Variants in MYCBP2 observed in about 807,000 individuals in gnomAD.
MYCBP2 encodes E3 ubiquitin-protein ligase MYCBP2.
Under a neutral mutation model 525.3 loss-of-function variants are expected in MYCBP2, and 120 were observed. The observed-to-expected ratio is 0.23, with a 90% CI of 0.20 to 0.27. The LOEUF (loss-of-function observed/expected upper bound fraction) is 0.27, where lower values mean the gene tolerates loss of function less well. Among genes scored for constraint, MYCBP2 ranks in the 10% least tolerant of loss-of-function variants. The pLI is 1.00. For synonymous variants in MYCBP2, 1,894 were observed against 1,955.8 expected (o/e 0.97, Z 0.83); for missense variants, 4,149 against 5,657.1 (o/e 0.73, Z 8.55).
At chr13:77,183,012 G>A (rs1050921333) in intron 32 of MYCBP2, among the ~76,000 whole-genome samples, 1 of 152,070 alleles carries the variant, frequency 6.6e-6, no homozygotes, top group African/African-American at 2.4e-5. Context: ...GTAGCTATAT[G>A]GAGGAAATCA....
intron 72 of MYCBP2, among the ~76,000 whole-genome samples, chr13:77,065,448 T>C (rs566115888): frequency 2.6e-4 from 40 of 152,286 alleles, no homozygotes; most frequent in Admixed American, 5.9e-4. Context: ...ATCTTGTCCT[T>C]CTCAGGCTGC....
Position 77,278,839 on chromosome 13 carries a change from G to T in MYCBP2, c.667C>A (p.Leu223Ile). The change falls in exon 4 of 83, where the codon CTC (leucine) becomes ATC (isoleucine). Residue 223 changes from leucine (L) to isoleucine (I), a missense_variant. Coordinates refer to ENST00000544440, the MANE Select transcript of MYCBP2 (RefSeq NM_015057.5). ...ETRFSHPSLC[L>I]RSLQALLNVL... Reference sequence around the variant, plus strand: ...TTGAGCAGGGCTTGGAGACTCCTGAGACACAGGGATGGATGAGAAAATCGT... The same window carrying T: ...TTGAGCAGGGCTTGGAGACTCCTGATACACAGGGATGGATGAGAAAATCGT... 1 of 1,602,072 alleles carries T rather than the reference G, an allele frequency of 6.2e-7. No homozygotes were observed. Among genetic ancestry groups the T allele is most frequent in the South Asian group, 1.1e-5 (1 of 89,170 alleles).
chr13:77,177,103 T>C (rs1278113881), intron 35 of MYCBP2, among the ~76,000 whole-genome samples: 1 of 151,196 alleles, frequency 6.6e-6, no homozygotes, highest in Non-Finnish European at 1.5e-5. Context: ...TAGTACTCTA[T>C]GACATAGTCC....
At chr13:77,218,565 C>T (rs1207839016) in intron 20 of MYCBP2, among the ~76,000 whole-genome samples, 3 of 152,136 alleles carry the variant, frequency 2.0e-5, no homozygotes, top group Admixed American at 1.3e-4. Context: ...GTTTTTCATT[C>T]TTTTTGTATT....
chr13:77,294,149 T>TATATATACATATAC (rs2077918119), intron 2 of MYCBP2, among the ~76,000 whole-genome samples: 1 of 136,318 alleles, frequency 7.3e-6, no homozygotes, highest in African/African-American at 2.6e-5. Context: ...TATACATATA[T>TATATATACATATAC]ATAAAATATA....
intron 3 of MYCBP2, among the ~76,000 whole-genome samples, chr13:77,282,276 G>C (rs2076272071): frequency 6.6e-6 from 1 of 152,094 alleles, no homozygotes. Context: ...CAGGCATGGT[G>C]GCGCATGCCT....
intron 52 of MYCBP2, chr13:77,129,388 C>G (rs1273095897): frequency 2.6e-6 from 1 of 379,730 alleles, no homozygotes; most frequent in African/African-American, 2.1e-5. Flanking sequence ...TCTGAGTAAA[C>G]AACACACCGA....
chr13:77,063,280 G>A (rs1312045151), intron 73 of MYCBP2, among the ~76,000 whole-genome samples: 3 of 152,190 alleles, frequency 2.0e-5, no homozygotes, highest in East Asian at 1.9e-4. Flanking sequence ...AAATAGGGCC[G>A]GGCACAGTGG....
intron 44 of MYCBP2, among the ~76,000 whole-genome samples, 174 bp downstream of exon 44, chr13:77,161,732 T>C (rs1316920795): frequency 6.6e-6 from 1 of 152,198 alleles, no homozygotes; most frequent in African/African-American, 2.4e-5. Flanking sequence ...AGGGCTCACA[T>C]GGGTTTCTCC....
intron 1 of MYCBP2, among the ~76,000 whole-genome samples, chr13:77,309,929 T>C (rs983567317): frequency 2.0e-5 from 3 of 152,068 alleles, no homozygotes; most frequent in African/African-American, 7.2e-5. Flanking sequence ...CTGGCCAAGA[T>C]GGTGAAATCC....
Position 77,096,443 on chromosome 13 carries a change from T to C in MYCBP2, c.9823A>G (p.Ile3275Val). ...RYAGGQGYNS[I>V]GHFCGGWAGN... is the part of the protein sequence containing the mutation. ...GCCCATCCTCCACAAAAATGCCCAA[T>C]GCTATTGTAACCTTGTCCACCAGCA... is the stretch of plus-strand genomic sequence containing the variant. Residue 3275 changes from isoleucine (I) to valine (V), a missense_variant, in exon 57 of 83, where the codon ATT becomes GTT. Transcript: ENST00000544440. The C allele has an allele frequency of 1.2e-6, 2 of 1,613,350 alleles. No individual in the cohort carries two copies. Among genetic ancestry groups the C allele is most frequent in the Non-Finnish European group, 1.7e-6 (2 of 1,179,556 alleles).
intron 55 of MYCBP2, among the ~76,000 whole-genome samples, chr13:77,106,543 A>AT (rs1566549935): frequency 2.0e-5 from 3 of 152,078 alleles, no homozygotes; most frequent in Non-Finnish European, 4.4e-5. Flanking sequence ...GATAAAAAAA[A>AT]TTTTTTTCAA....
intron 43 of MYCBP2, 71 bp from the exon 44 acceptor site, chr13:77,162,026 C>T (rs761857407): frequency 1.3e-5 from 13 of 998,854 alleles, no homozygotes; most frequent in South Asian, 2.9e-5. Context: ...TAGTCCTTTG[C>T]ATTCATTACA....
intron 1 of MYCBP2, among the ~76,000 whole-genome samples, chr13:77,317,805 T>C (rs533149339): frequency 6.6e-6 from 1 of 152,060 alleles, no homozygotes; most frequent in South Asian, 2.1e-4. Flanking sequence ...GGCGTGGTGA[T>C]GTGCACCTGT....
Position 77,077,184 on chromosome 13 carries a change from A to C in MYCBP2, c.11688T>G (p.Ala3896=). 6.2e-7 allele frequency: 1 copy of C among 1,613,998 alleles called. No homozygotes were observed. The highest frequency in any genetic ancestry group is 8.5e-7 in the Non-Finnish European group (1 of 1,179,954). The change falls in exon 67 of 83, where the codon GCT becomes GCG. Residue 3896 remains alanine, a synonymous_variant. Transcript: ENST00000544440. ...ASVAQQRNCE[A]ETLRVFRLIT... Reference sequence around the variant, plus strand: ...TCAGTCTGAATACTCGCAGAGTCTCAGCTTCACAGTTCCTCTGCTGGGCCA... The same window carrying C: ...TCAGTCTGAATACTCGCAGAGTCTCCGCTTCACAGTTCCTCTGCTGGGCCA...
chr13:77,059,471 G>A lies in MYCBP2; in HGVS notation c.13140+52C>T, dbSNP rs139619886. The A allele has an allele frequency of 2.2e-4, 288 of 1,299,790 alleles. No homozygotes were observed. In the East Asian group the frequency reaches 6.5e-3, roughly 29 times the overall value. 80.5% of individuals were successfully genotyped at this position (1,299,790 alleles called of 1,614,324 possible). A position where few individuals can be genotyped will look rare whatever the true frequency, so the allele number is the denominator to read the frequency against. On this transcript the variant is annotated intron_variant, in intron 77 of 82. Coordinates refer to ENST00000544440, the MANE Select transcript of MYCBP2 (RefSeq NM_015057.5). ...AAACTCTTTTCTGTATGAAGTAAAG[G>A]TGTCACAGGGGAACATGGACAATGG... is the stretch of plus-strand genomic sequence containing the variant.
At chr13:77,312,471 C>G (rs145281513) in intron 1 of MYCBP2, among the ~76,000 whole-genome samples, 1 of 152,052 alleles carries the variant, frequency 6.6e-6, no homozygotes, top group East Asian at 1.9e-4. Flanking sequence ...ATAAAAGGAT[C>G]TGTAGGGTTG....
intron 17 of MYCBP2, among the ~76,000 whole-genome samples, chr13:77,238,242 C>CAAAAAAA (rs772175406): frequency 6.0e-3 from 167 of 27,796 alleles, no homozygotes; most frequent in Middle Eastern, 0.023. Flanking sequence ...GACTCCGTCT[C>CAAAAAAA]AAAAAAAAAA....
intron 5 of MYCBP2, among the ~76,000 whole-genome samples, chr13:77,271,950 T>C (rs972313353): frequency 6.6e-6 from 1 of 152,186 alleles, no homozygotes; most frequent in African/African-American, 2.4e-5. Context: ...CAAGCCATGT[T>C]AAGGTAATGG....
Sources: allele counts gnomAD v4.1 joint callset (sites outside exome capture counted in the v4.1 genomes callset), GRCh38; gene constraint gnomAD v4.1.1; transcripts MANE v1.5; gene names NCBI Gene and HGNC (gene_info 2026-07-23, HGNC 2026-07-21).